Variants in CCDC33 observed in about 807,000 individuals in gnomAD.
CCDC33 encodes the protein coiled-coil domain containing 33.
In CCDC33, 94 loss-of-function variants were observed where a neutral mutation model predicts 91.9. The ratio of observed to expected loss-of-function variants is 1.02; its 90% CI spans 0.87 to 1.21. The LOEUF is 1.21. Among genes scored for constraint, CCDC33 ranks in the 50% most tolerant of loss-of-function variants. The pLI is 0.00. For synonymous variants in CCDC33, 396 were observed against 374.5 expected (o/e 1.06, Z -0.66); for missense variants, 940 against 935.5 (o/e 1.00, Z -0.06).
At position 74,244,491 on chromosome 15, in the gene CCDC33, G is replaced by A. The variant is rs560961141; in HGVS notation, c.185+343G>A. ...GCATGATGGTCAGATTGGGGAAGGG[G>A]AAGATTTGGGACCTGCCTCTCCTGA... On this transcript the variant is annotated intron_variant, in intron 2 of 18. Coordinates refer to ENST00000398814, the MANE Select transcript of CCDC33 (RefSeq NM_025055.5). The surrounding 1 kb of genome is among the most constrained non-coding windows in gnomAD (Gnocchi z 4.2). Among the ~76,000 whole-genome samples, 4 of 152,172 alleles carry A rather than the reference G, an allele frequency of 2.6e-5. No homozygotes were observed. The highest frequency in any genetic ancestry group is 2.6e-4 in the Admixed American group (4 of 15,298).
chr15:74,283,984 G>T (rs1484844567), intron 10 of CCDC33, among the ~76,000 whole-genome samples: 1 of 152,214 alleles, frequency 6.6e-6, no homozygotes, highest in East Asian at 1.9e-4. Flanking sequence ...CACACCTGCA[G>T]TGGCACACAC....
At chr15:74,312,239 C>T (rs1261118076) in intron 11 of CCDC33, among the ~76,000 whole-genome samples, 2 of 152,230 alleles carry the variant, frequency 1.3e-5, no homozygotes, top group Non-Finnish European at 2.9e-5. Flanking sequence ...CTGCTCGTTC[C>T]TCGGAGCCAC....
At position 74,281,850 on chromosome 15, in the gene CCDC33, G is replaced by T; in HGVS notation, c.1095+1G>T. ...CTCCTTCCAGCTGCTTTCCTCTGAG[G>T]TAAGGCTGTGGGCCAGGGGAGGGTC... On this transcript the variant is annotated splice_donor_variant, in intron 10 of 18. Transcript: ENST00000398814. LOFTEE classifies it high-confidence loss of function. 6.2e-7 allele frequency: 1 copy of T among 1,613,728 alleles called. No individual in the cohort carries two copies. The highest frequency in any genetic ancestry group is 8.5e-7 in the Non-Finnish European group (1 of 1,179,714).
chr15:74,207,389 G>T (rs1239954478), intron 1 of CCDC33, among the ~76,000 whole-genome samples: 1 of 152,058 alleles, frequency 6.6e-6, no homozygotes, highest in Non-Finnish European at 1.5e-5. Flanking sequence ...CCCCCAAGAA[G>T]CCCCAGACCT....
intron 2 of CCDC33, among the ~76,000 whole-genome samples, chr15:74,261,675 T>A (rs763648737): frequency 1.3e-5 from 2 of 152,132 alleles, no homozygotes; most frequent in African/African-American, 2.4e-5. Flanking sequence ...GTATTCACTC[T>A]CTCCCTGAGC....
chr15:74,287,497 C>G (rs1458175660), intron 10 of CCDC33, among the ~76,000 whole-genome samples: 1 of 150,672 alleles, frequency 6.6e-6, no homozygotes, highest in African/African-American at 2.4e-5. Flanking sequence ...TAGAGCTCTT[C>G]CCATCCCATC....
chr15:74,288,770 G>GTT (rs1179180200), intron 10 of CCDC33, among the ~76,000 whole-genome samples: 1 of 152,230 alleles, frequency 6.6e-6, no homozygotes, highest in African/African-American at 2.4e-5. Context: ...CAGGTCATCT[G>GTT]TGGAGGTGGC....
intron 11 of CCDC33, among the ~76,000 whole-genome samples, chr15:74,320,417 C>T (rs2060182423): frequency 6.6e-6 from 1 of 152,032 alleles, no homozygotes; most frequent in African/African-American, 2.4e-5. Context: ...CTACCCCTGG[C>T]CTTGACTTGC....
chr15:74,291,600 A>G (rs2059585790), intron 10 of CCDC33, among the ~76,000 whole-genome samples: 1 of 152,242 alleles, frequency 6.6e-6, no homozygotes, highest in African/African-American at 2.4e-5. Context: ...GCGCTCCAGC[A>G]AGAAGGCTCA....
chr15:74,277,880 C>A lies in CCDC33; in HGVS notation c.760-2083C>A, dbSNP rs138630157. ...AGGGCAGCTAGCGTCTACTAAATAA[C>A]CCTCTTCCAGGGTAGGAGCAAGGTA... is the stretch of plus-strand genomic sequence containing the variant. On this transcript the variant is annotated intron_variant, in intron 7 of 18. Coordinates refer to ENST00000398814, the MANE Select transcript of CCDC33 (RefSeq NM_025055.5). Among the ~76,000 whole-genome samples the A allele has an allele frequency of 5.3e-5, 8 of 152,344 alleles. No homozygotes were observed. In the East Asian group the frequency reaches 9.6e-4, roughly 18 times the overall value.
At chr15:74,313,803 A>T (rs933372744) in intron 11 of CCDC33, among the ~76,000 whole-genome samples, 1 of 152,114 alleles carries the variant, frequency 6.6e-6, no homozygotes, top group African/African-American at 2.4e-5. Context: ...ACCAGACCTT[A>T]TTCTGGGAGG....
intron 1 of CCDC33, among the ~76,000 whole-genome samples, chr15:74,217,948 G>A (rs1360133935): frequency 6.6e-6 from 1 of 152,074 alleles, no homozygotes; most frequent in Non-Finnish European, 1.5e-5. Context: ...GCCTGTCCCT[G>A]AGCCCCACTA....
At chr15:74,282,780 C>G (rs909981477) in intron 10 of CCDC33, among the ~76,000 whole-genome samples, 8 of 152,178 alleles carry the variant, frequency 5.3e-5, no homozygotes, top group Non-Finnish European at 1.2e-4. Context: ...GCCTCGATCC[C>G]TCTCGCTAGC....
chr15:74,247,371 T>C (rs865964529), intron 2 of CCDC33, among the ~76,000 whole-genome samples: 78 of 148,706 alleles, frequency 5.2e-4, no homozygotes, highest in African/African-American at 1.8e-3. Context: ...TATATATATA[T>C]ACACACACAC....
Position 74,331,096 on chromosome 15 carries a change from T to G in CCDC33, c.1661T>G (p.Val554Gly). 6.2e-7 allele frequency: 1 copy of G among 1,613,504 alleles called. No homozygotes were observed. Among genetic ancestry groups the G allele is most frequent in the Non-Finnish European group, 8.5e-7 (1 of 1,179,660 alleles). Residue 554 changes from valine to glycine, a missense_variant, in exon 14 of 19, where the codon GTG becomes GGG. Val to Gly is a moderately radical substitution (Grantham distance 109, BLOSUM62 -3). Coordinates refer to ENST00000398814, the MANE Select transcript of CCDC33 (RefSeq NM_025055.5). ...LQKMKALEETVRHQEKVIEKM... is the reference protein window; with the variant it reads ...LQKMKALEETGRHQEKVIEKM... ...AAGATGAAGGCGCTGGAGGAGACTG[T>G]GCGGCACCAAGAGAAGGCAGGTGGC...
At position 74,238,205 on chromosome 15, in the gene CCDC33, C is replaced by T. The variant is rs554025326; in HGVS notation, c.21+1465C>T. ...ACTTTGGGAGGCCAAGGCAGAAGTT[C>T]GAGACCAGTCTGGCCAACATGGTGA... is the stretch of plus-strand genomic sequence containing the variant. On this transcript the variant is annotated intron_variant, in intron 1 of 18. Transcript: ENST00000398814. Among the ~76,000 whole-genome samples the T allele has an allele frequency of 4.5e-4, 68 of 151,230 alleles. 1 individual carries two copies. The highest frequency in any genetic ancestry group is 3.2e-3 in the Admixed American group (49 of 15,176).
At chr15:74,230,331 C>T (rs73432359) in intron 2 of CCDC33, among the ~76,000 whole-genome samples, 3,269 of 152,232 alleles carry the variant, frequency 0.021, 111 homozygotes, top group African/African-American at 0.074. Context: ...CTGAGTAGAC[C>T]CCCCACCCAA....
chr15:74,294,486 GC>G (rs2059642533), intron 10 of CCDC33, among the ~76,000 whole-genome samples: 1 of 151,742 alleles, frequency 6.6e-6, no homozygotes, highest in South Asian at 2.1e-4. Flanking sequence ...AGTGGCTCAC[GC>G]CTGTAATCCC....
intron 10 of CCDC33, among the ~76,000 whole-genome samples, chr15:74,287,164 C>A (rs1177362969): frequency 6.6e-6 from 1 of 152,236 alleles, no homozygotes; most frequent in African/African-American, 2.4e-5. Flanking sequence ...CCCTCCATTT[C>A]TTCCCCAAGC....
Sources: allele counts gnomAD v4.1 joint callset (sites outside exome capture counted in the v4.1 genomes callset), GRCh38; gene constraint gnomAD v4.1.1; non-coding constraint Gnocchi (gnomAD v3.1); transcripts MANE v1.5; gene names NCBI Gene and HGNC (gene_info 2026-07-23, HGNC 2026-07-21).